The following ANKRD34B variants were observed in gnomAD, a reference collection of about 807,000 sequenced individuals.
ANKRD34B encodes the protein ankyrin repeat domain-containing protein 34B.
ANKRD34B carries 2 observed loss-of-function variants against 4.4 expected under a neutral mutation model. The ratio of observed to expected loss-of-function variants is 0.46; its 90% CI spans 0.19 to 1.44. The LOEUF is 1.44. ANKRD34B is among the 40% of genes most tolerant of loss of function. The probability of loss-of-function intolerance (pLI) is 0.26; values close to 1 mark genes in which losing one functional copy is unlikely to be tolerated. For synonymous variants in ANKRD34B, 226 were observed against 227.1 expected (o/e 0.99, Z 0.05); for missense variants, 558 against 604.7 (o/e 0.92, Z 0.81).
chr5:80,567,888 C>T (rs1008231562), intron 2 of ANKRD34B, among the ~76,000 whole-genome samples: 19 of 152,158 alleles, frequency 1.2e-4, no homozygotes, highest in African/African-American at 4.6e-4. Flanking sequence ...CTCCGGATCT[C>T]TCCAAGTTAT....
chr5:80,567,630 AAAAAAAG>A (rs1190114889), intron 2 of ANKRD34B, among the ~76,000 whole-genome samples: 3 of 143,414 alleles, frequency 2.1e-5, no homozygotes, highest in Non-Finnish European at 3.0e-5. Context: ...TCAAAAAAAA[AAAAAAAG>A]AAAAGAAAAG....
Position 80,559,207 on chromosome 5 carries a change from A to G in ANKRD34B, c.813T>C (p.Ile271=), listed in dbSNP as rs779681905. 1.2e-6 allele frequency: 2 copies of G among 1,614,006 alleles called. No homozygotes were observed. The part of the protein sequence containing the change: ...VASLQEELQD[I]TPEEELSYKT... Reference sequence around the variant, plus strand: ...TATAGGATAGTTCTTCCTCTGGTGTAATATCCTGGAGCTCCTCTTGCAATG... The same window carrying G: ...TATAGGATAGTTCTTCCTCTGGTGTGATATCCTGGAGCTCCTCTTGCAATG... The change falls in exon 5 of 5, where the codon ATT becomes ATC. Residue 271 remains isoleucine, a synonymous_variant. Transcript: ENST00000338682.
rs373148604 is a variant in ANKRD34B, at chr5:80,558,705, G to T, written c.1315C>A (p.His439Asn). Reference protein sequence around the residue: ...RRGSGAFPLDHSVTQTRQGFL... With the variant: ...RRGSGAFPLDNSVTQTRQGFL... ...CCTTGTCTGGTTTGGGTAACACTGTGATCTAAAGGGAAAGCTCCTGAACCT... is the reference window on the plus strand; with the variant it reads ...CCTTGTCTGGTTTGGGTAACACTGTTATCTAAAGGGAAAGCTCCTGAACCT... The change falls in exon 5 of 5, where the codon CAC becomes AAC. Residue 439 changes from histidine to asparagine, a missense_variant. Transcript: ENST00000338682. 1 of 1,614,140 alleles carries T rather than the reference G, an allele frequency of 6.2e-7. No individual in the cohort carries two copies. Among genetic ancestry groups the T allele is most frequent in the Non-Finnish European group, 8.5e-7 (1 of 1,180,000 alleles).
intron 1 of ANKRD34B, among the ~76,000 whole-genome samples, chr5:80,569,338 G>T (rs1050720070): frequency 6.6e-6 from 1 of 152,202 alleles, no homozygotes; most frequent in African/African-American, 2.4e-5. Context: ...CGTCTGAGGG[G>T]CGCAGCCACT....
At chr5:80,562,503 C>T (rs1374416279) in intron 4 of ANKRD34B, among the ~76,000 whole-genome samples, 1 of 152,168 alleles carries the variant, frequency 6.6e-6, no homozygotes, top group Non-Finnish European at 1.5e-5. Context: ...TAAGTGATTG[C>T]TTACTGACCA....
intron 4 of ANKRD34B, among the ~76,000 whole-genome samples, chr5:80,562,679 C>T (rs1393927178): frequency 6.6e-6 from 1 of 152,202 alleles, no homozygotes; most frequent in Non-Finnish European, 1.5e-5. Flanking sequence ...TGTTCACTCA[C>T]TTTTTAACAT....
intron 3 of ANKRD34B, among the ~76,000 whole-genome samples, chr5:80,566,102 GA>G (rs553710278): frequency 4.5e-4 from 69 of 152,080 alleles, no homozygotes; most frequent in Non-Finnish European, 7.1e-4. Context: ...GTATTTTTAA[GA>G]ACAAAGAAAA....
intron 1 of ANKRD34B, among the ~76,000 whole-genome samples, chr5:80,569,698 C>A (rs1746699100): frequency 6.6e-6 from 1 of 152,160 alleles, no homozygotes; most frequent in African/African-American, 2.4e-5. Context: ...ATCAGGCCCC[C>A]CGCCCCGCAT....
rs1746403405 is a variant in ANKRD34B at position 80,561,452 on chromosome 5, A to G, written c.-23-1410T>C. Among the ~76,000 whole-genome samples the G allele has an allele frequency of 2.6e-5, 4 of 152,352 alleles. No individual in the cohort carries two copies. The South Asian group carries it at 8.3e-4, about 32-fold the overall frequency. ...ATAACAAATCTAATAACCAAAAGAA[A>G]GAAGAGATGAAGAGAGCAGAAAGAA... On this transcript the variant is annotated intron_variant, in intron 4 of 4. Transcript: ENST00000338682.
intron 3 of ANKRD34B, chr5:80,564,452 T>A (rs1026442209): frequency 1.3e-5 from 2 of 152,330 alleles, no homozygotes; most frequent in African/African-American, 4.8e-5. Flanking sequence ...GCCGGTACTA[T>A]GCTGGCGACG....
rs774120819 is a variant in ANKRD34B at position 80,558,999 on chromosome 5, C to T, written c.1021G>A (p.Asp341Asn). 1 of 1,614,126 alleles carries T rather than the reference C, an allele frequency of 6.2e-7. No individual in the cohort carries two copies. The highest frequency in any genetic ancestry group is 2.2e-5 in the East Asian group (1 of 44,882). ...GNQQCIEVPV[D>N]QDPDSNQTIF... ...GTCTGGTTAGAATCTGGGTCCTGGTCAACAGGGACTTCAATGCATTGCTGA... is the reference window on the plus strand; with the variant it reads ...GTCTGGTTAGAATCTGGGTCCTGGTTAACAGGGACTTCAATGCATTGCTGA... The change falls in exon 5 of 5, where the codon GAC (aspartate) becomes AAC (asparagine). Residue 341 changes from aspartate to asparagine, a missense_variant. Physicochemically the swap from Asp to Asn is conservative, Grantham distance 23 (BLOSUM62 1). Coordinates refer to ENST00000338682, the MANE Select transcript of ANKRD34B (RefSeq NM_001004441.3).
chr5:80,564,462 G>A (rs544209540), intron 3 of ANKRD34B: 2 of 152,220 alleles, frequency 1.3e-5, no homozygotes, highest in Non-Finnish European at 2.9e-5. Context: ...TGCTGGCGAC[G>A]GCCGTGCCTA....
Position 80,559,864 on chromosome 5 carries a change from C to T in ANKRD34B, c.156G>A (p.Lys52=), listed in dbSNP as rs1238878307. 3 of 1,614,234 alleles carry T rather than the reference C, an allele frequency of 1.9e-6. No individual in the cohort carries two copies. Among genetic ancestry groups the T allele is most frequent in the Non-Finnish European group, 2.5e-6 (3 of 1,180,050 alleles). Residue 52 remains lysine (K), a synonymous_variant, in exon 5 of 5, where the codon AAG becomes AAA. Coordinates refer to ENST00000338682, the MANE Select transcript of ANKRD34B (RefSeq NM_001004441.3). ...CACTCTGGTGATCGACATGTTTGGTCTTACAAGCGATCATTAAAGGGGTTT... is the reference window on the plus strand; with the variant it reads ...CACTCTGGTGATCGACATGTTTGGTTTTACAAGCGATCATTAAAGGGGTTT... ...RGETPLMIAC[K]TKHVDHQSVS...
chr5:80,560,016 C>A lies in ANKRD34B; in HGVS notation c.4G>T (p.Asp2Tyr). The change falls in exon 5 of 5, where the codon GAT becomes TAT. Residue 2 changes from aspartate to tyrosine, a missense_variant. Physicochemically the swap from Asp to Tyr is radical, Grantham distance 160. Coordinates refer to ENST00000338682, the MANE Select transcript of ANKRD34B (RefSeq NM_001004441.3). Reference protein sequence around the residue: MDEGMEISSEGN... With the variant: MYEGMEISSEGN... ...TCACTTGAAATTTCCATACCTTCAT[C>A]CATCTTCGGAGGTTAGAACTCAATA... The A allele has an allele frequency of 6.3e-7, 1 of 1,576,062 alleles. No homozygotes were observed. Among genetic ancestry groups the A allele is most frequent in the Non-Finnish European group, 8.6e-7 (1 of 1,160,770 alleles).
chr5:80,566,628 T>G (rs867965956), intron 3 of ANKRD34B, 61 bp downstream of exon 3: 14 of 152,670 alleles, frequency 9.2e-5, no homozygotes, highest in Middle Eastern at 3.4e-3. Flanking sequence ...ATGAAAGAAA[T>G]TCAAACCATA....
chr5:80,568,706 C>T (rs1166226068), intron 2 of ANKRD34B, among the ~76,000 whole-genome samples: 1 of 152,092 alleles, frequency 6.6e-6, no homozygotes, highest in Non-Finnish European at 1.5e-5. Context: ...AAGATTCTTC[C>T]CTGGTATTGA....
chr5:80,565,809 G>A (rs1374469829), intron 3 of ANKRD34B, among the ~76,000 whole-genome samples: 1 of 152,020 alleles, frequency 6.6e-6, no homozygotes. Context: ...CTTCTCATTT[G>A]GTAAACATCA....
In ANKRD34B at chr5:80,559,166, G is replaced by T. The variant is rs763368709; in HGVS notation, c.854C>A (p.Ala285Glu). Reference protein sequence around the residue: ...EELSYKTNGLALSKRFITRHQ... With the variant: ...EELSYKTNGLELSKRFITRHQ... ...CCTAGTGATGAACCGCTTGGAAAGTGCCAGCCCATTGGTTTTATAGGATAG... is the reference window on the plus strand; with the variant it reads ...CCTAGTGATGAACCGCTTGGAAAGTTCCAGCCCATTGGTTTTATAGGATAG... Residue 285 changes from alanine (A) to glutamate (E), a missense_variant, in exon 5 of 5, where the codon GCA becomes GAA. By Grantham distance (107) the Ala-to-Glu change is moderately radical (BLOSUM62 -1). Transcript: ENST00000338682. 1 of 1,614,082 alleles carries T rather than the reference G, an allele frequency of 6.2e-7. No homozygotes were observed. Among genetic ancestry groups the T allele is most frequent in the Non-Finnish European group, 8.5e-7 (1 of 1,180,046 alleles).
chr5:80,557,243 G>A lies in ANKRD34B; in HGVS notation c.*1232C>T, dbSNP rs914941876. On this transcript the variant is annotated 3_prime_UTR_variant, in exon 5 of 5. Coordinates refer to ENST00000338682, the MANE Select transcript of ANKRD34B (RefSeq NM_001004441.3). Reference sequence around the variant, plus strand: ...CATCATACTTTGAAGTTATATAGATGATATAATTATTACTTTATAATATTT... The same window carrying A: ...CATCATACTTTGAAGTTATATAGATAATATAATTATTACTTTATAATATTT... 11 of 151,956 alleles carry A rather than the reference G, an allele frequency of 7.2e-5. No individual in the cohort carries two copies. The highest frequency in any genetic ancestry group is 2.7e-4 in the African/African-American group (11 of 41,364). 9.4% of individuals were successfully genotyped at this position (151,956 alleles called of 1,614,324 possible).
Sources: allele counts gnomAD v4.1 joint callset (sites outside exome capture counted in the v4.1 genomes callset), GRCh38; gene constraint gnomAD v4.1.1; transcripts MANE v1.5; gene names NCBI Gene and HGNC (gene_info 2026-07-23, HGNC 2026-07-21).